Variants in ADCY2 observed in about 807,000 individuals in gnomAD.
ADCY2 encodes adenylate cyclase type 2.
ADCY2 carries 31 observed loss-of-function variants against 125.2 expected under a neutral mutation model. That is an observed-to-expected ratio of 0.25 (90% confidence interval 0.19 to 0.33). The LOEUF (loss-of-function observed/expected upper bound fraction) is 0.33. Among genes scored for constraint, ADCY2 ranks in the 10% least tolerant of loss-of-function variants. The probability of loss-of-function intolerance (pLI) is 1.00; values close to 1 mark genes in which losing one functional copy is unlikely to be tolerated. For synonymous variants in ADCY2, 512 were observed against 548.4 expected (o/e 0.93, Z 0.93); for missense variants, 904 against 1,418.2 (o/e 0.64, Z 5.82).
At chr5:7,712,160 G>A (rs1741461146) in intron 10 of ADCY2, among the ~76,000 whole-genome samples, 2 of 152,158 alleles carry the variant, frequency 1.3e-5, no homozygotes, top group Non-Finnish European at 2.9e-5. Flanking sequence ...CCTTGGAAAT[G>A]AAAGCAGCAA....
At chr5:7,609,575 A>G (rs898658358) in intron 3 of ADCY2, among the ~76,000 whole-genome samples, 7 of 152,242 alleles carry the variant, frequency 4.6e-5, no homozygotes, top group Admixed American at 6.5e-5. Flanking sequence ...AATAAGTTCT[A>G]TATGGATTAC....
At chr5:7,654,591 C>T (rs912811593) in intron 4 of ADCY2, among the ~76,000 whole-genome samples, 6 of 152,112 alleles carry the variant, frequency 3.9e-5, no homozygotes, top group African/African-American at 1.2e-4. Context: ...GTTGTTTCTC[C>T]TGTCTTTTAT....
intron 15 of ADCY2, among the ~76,000 whole-genome samples, chr5:7,753,445 G>A (rs1002454027): frequency 1.3e-5 from 2 of 152,162 alleles, no homozygotes; most frequent in African/African-American, 4.8e-5. Flanking sequence ...CACTGACTGG[G>A]CTCACAGCAG....
intron 3 of ADCY2, among the ~76,000 whole-genome samples, chr5:7,601,713 ACT>A (rs1341634250): frequency 6.6e-6 from 1 of 151,744 alleles, no homozygotes; most frequent in Admixed American, 6.6e-5. Context: ...TCTTCTCTTC[ACT>A]CTGTTCCAAG....
intron 14 of ADCY2, among the ~76,000 whole-genome samples, chr5:7,740,006 A>T (rs1742364452): frequency 6.6e-6 from 1 of 152,022 alleles, no homozygotes; most frequent in Admixed American, 6.6e-5. Flanking sequence ...AGAATTGGTC[A>T]AATATTAACA....
intron 4 of ADCY2, among the ~76,000 whole-genome samples, chr5:7,626,783 C>G (rs1738143910): frequency 6.6e-6 from 1 of 152,136 alleles, no homozygotes; most frequent in Non-Finnish European, 1.5e-5. Context: ...CATGAGGGAT[C>G]CACCCCCAAG....
intron 2 of ADCY2, among the ~76,000 whole-genome samples, chr5:7,452,276 G>A (rs1741503267): frequency 6.6e-6 from 1 of 152,066 alleles, no homozygotes; most frequent in Admixed American, 6.6e-5. Flanking sequence ...AGTTTCCAAT[G>A]TGCATTATAT....
intron 2 of ADCY2, among the ~76,000 whole-genome samples, chr5:7,490,407 T>C (rs537413382): frequency 4.6e-4 from 70 of 152,224 alleles, no homozygotes; most frequent in African/African-American, 1.7e-3. Context: ...TAGGAAACAA[T>C]GCATGAACAG....
intron 4 of ADCY2, among the ~76,000 whole-genome samples, chr5:7,662,956 C>T (rs185385217): frequency 1.2e-3 from 184 of 151,346 alleles, no homozygotes; most frequent in African/African-American, 4.2e-3. Context: ...AGGTCTTCAC[C>T]CCATGCCTGC....
chr5:7,548,220 T>A (rs1357376744), intron 3 of ADCY2, among the ~76,000 whole-genome samples: 2 of 151,890 alleles, frequency 1.3e-5, no homozygotes, highest in Non-Finnish European at 2.9e-5. Flanking sequence ...CTATTTCTTT[T>A]TAAATTAATT....
At chr5:7,784,515 C>A in intron 19 of ADCY2, 66 bp downstream of exon 19, 1 of 1,177,116 alleles carries the variant, frequency 8.5e-7, no homozygotes, top group Non-Finnish European at 1.2e-6. Context: ...TAGTGCTTTG[C>A]TGTGCATTGT....
Position 7,529,542 on chromosome 5 carries a change from T to A in ADCY2, c.570+8643T>A, listed in dbSNP as rs187156020. Among the ~76,000 whole-genome samples, 293 of 152,318 alleles carry A rather than the reference T, an allele frequency of 1.9e-3. 1 individual carries two copies. The highest frequency in any genetic ancestry group is 6.6e-3 in the African/African-American group (276 of 41,580). ...GAAACCCCTCTCAGCATCTCGTGAA[T>A]GTCTGGACATGGAAGCGAATGTGAG... On this transcript the variant is annotated intron_variant, in intron 3 of 24. Coordinates refer to ENST00000338316, the MANE Select transcript of ADCY2 (RefSeq NM_020546.3).
intron 17 of ADCY2, among the ~76,000 whole-genome samples, chr5:7,767,378 C>T (rs1743416051): frequency 6.6e-6 from 1 of 152,044 alleles, no homozygotes; most frequent in South Asian, 2.1e-4. Context: ...TTATTTACTG[C>T]TTAACAACTT....
intron 3 of ADCY2, among the ~76,000 whole-genome samples, chr5:7,583,518 A>G (rs545472726): frequency 2.6e-4 from 39 of 152,096 alleles, no homozygotes; most frequent in Non-Finnish European, 4.3e-4. Context: ...ACTCAAATTC[A>G]GCACTCATCA....
intron 4 of ADCY2, among the ~76,000 whole-genome samples, chr5:7,628,788 T>C (rs1453500765): frequency 3.3e-5 from 5 of 150,232 alleles, no homozygotes; most frequent in Non-Finnish European, 7.4e-5. Flanking sequence ...CAGACCAGCA[T>C]GTAATTAAAT....
At chr5:7,740,492 G>A (rs1742377045) in intron 14 of ADCY2, among the ~76,000 whole-genome samples, 1 of 151,930 alleles carries the variant, frequency 6.6e-6, no homozygotes, top group African/African-American at 2.4e-5. Flanking sequence ...TATATTTAGA[G>A]AAACACTTTG....
chr5:7,581,819 C>CAAAA (rs59841590), intron 3 of ADCY2, among the ~76,000 whole-genome samples: 37 of 123,832 alleles, frequency 3.0e-4, no homozygotes, highest in African/African-American at 1.0e-3. Flanking sequence ...GACTCAGTCT[C>CAAAA]AAAAAAAAAA....
rs1741748463 is a variant in ADCY2, at chr5:7,721,256, C to T, written c.1704-3289C>T. Among the ~76,000 whole-genome samples the T allele has an allele frequency of 3.9e-5, 6 of 152,186 alleles. No homozygotes were observed. In the South Asian group the frequency reaches 8.3e-4, roughly 21 times the overall value. On this transcript the variant is annotated intron_variant, in intron 12 of 24. Transcript: ENST00000338316. The stretch of plus-strand genomic sequence containing the variant: ...TTTTGATGGGGTTGTTTGATTTTTT[C>T]TTGTAAATTTGTTTGAGTTCTTTGT...
chr5:7,794,038 C>T (rs1744339603), intron 20 of ADCY2: 1 of 152,242 alleles, frequency 6.6e-6, no homozygotes, highest in Non-Finnish European at 1.5e-5. Flanking sequence ...GCCAGTGATT[C>T]CTGCCTGGTA....
Sources: allele counts gnomAD v4.1 joint callset (sites outside exome capture counted in the v4.1 genomes callset), GRCh38; gene constraint gnomAD v4.1.1; transcripts MANE v1.5; gene names NCBI Gene and HGNC (gene_info 2026-07-23, HGNC 2026-07-21).